DIS3L2: variants seen among roughly 807,000 people sequenced by gnomAD.
DIS3L2 encodes DIS3 like 3'-5' exoribonuclease 2.
In DIS3L2, 34 loss-of-function variants were observed where a neutral mutation model predicts 97.5. That is an observed-to-expected ratio of 0.35 (90% CI 0.27 to 0.46). The LOEUF (loss-of-function observed/expected upper bound fraction) is 0.46. Among genes scored for constraint, DIS3L2 ranks in the 20% least tolerant of loss-of-function variants. The pLI, the probability that DIS3L2 is intolerant of heterozygous loss-of-function variation, is 1.00. For missense variants in DIS3L2, 1,038 were observed against 1,146.0 expected, an observed-to-expected ratio of 0.91 and a Z score of 1.36; for synonymous variants, 435 against 445.2, an observed-to-expected ratio of 0.98 and a Z score of 0.29.
chr2:231,970,501 G>A (rs1333194624), intron 1 of DIS3L2, among the ~76,000 whole-genome samples: 2 of 152,188 alleles, frequency 1.3e-5, no homozygotes, highest in African/African-American at 2.4e-5. Flanking sequence ...AATTGTAATA[G>A]AATGCTAAGT....
chr2:232,144,135 C>T (rs2106361764), intron 8 of DIS3L2, among the ~76,000 whole-genome samples: 1 of 152,180 alleles, frequency 6.6e-6, no homozygotes, highest in African/African-American at 2.4e-5. Flanking sequence ...TGAAAACGTT[C>T]CAGTGCTCAT....
intron 5 of DIS3L2, among the ~76,000 whole-genome samples, chr2:232,080,535 T>C (rs2106298928): frequency 6.6e-6 from 1 of 152,262 alleles, no homozygotes; most frequent in Middle Eastern, 3.4e-3. Flanking sequence ...ATTAATGATA[T>C]TCATTGTCTA....
At chr2:232,013,097 G>A (rs1168183713) in intron 1 of DIS3L2, among the ~76,000 whole-genome samples, 1 of 152,074 alleles carries the variant, frequency 6.6e-6, no homozygotes, top group Non-Finnish European at 1.5e-5. Context: ...GACATGCCTC[G>A]TTGCTAGATG....
intron 13 of DIS3L2, among the ~76,000 whole-genome samples, chr2:232,295,781 G>A (rs1221667179): frequency 6.6e-6 from 1 of 152,208 alleles, no homozygotes; most frequent in African/African-American, 2.4e-5. Context: ...CTCCCTGCAA[G>A]AGTCTTTTCT....
chr2:232,254,443 G>T (rs1216464014), intron 12 of DIS3L2, among the ~76,000 whole-genome samples: 1 of 151,918 alleles, frequency 6.6e-6, no homozygotes, highest in African/African-American at 2.4e-5. Flanking sequence ...GTTATGTTTG[G>T]GTAGTAAAAC....
In DIS3L2 at chr2:232,335,828, C is replaced by T. The variant is rs376816858; in HGVS notation, c.2450C>T (p.Thr817Met). The change falls in exon 20 of 21, where the codon ACG (threonine) becomes ATG (methionine). Residue 817 changes from threonine to methionine, a missense_variant. Transcript: ENST00000325385. ...AAGGTGGGCAAGAAGCCGGAACTCA[C>T]GCTGGTCTGGGAGCCTGAGGACATG... ...FQKVGKKPELTLVWEPEDMEQ... is the reference protein window; with the variant it reads ...FQKVGKKPELMLVWEPEDMEQ... The T allele has an allele frequency of 4.5e-5, 70 of 1,550,920 alleles. No homozygotes were observed. The highest frequency in any genetic ancestry group is 3.4e-4 in the Middle Eastern group (2 of 5,902).
chr2:232,329,785 T>TGCCGGGGGGGGCCGC, intron 14 of DIS3L2, 28 bp from the exon 15 acceptor site: 1 of 967,144 alleles, frequency 1.0e-6, no homozygotes, highest in Non-Finnish European at 1.5e-6. Flanking sequence ...ACCCCAGCGG[T>TGCCGGGGGGGGCCGC]CCCTCCCATC....
At chr2:232,297,733 C>T (rs949906303) in intron 13 of DIS3L2, among the ~76,000 whole-genome samples, 52 of 145,554 alleles carry the variant, frequency 3.6e-4, no homozygotes, top group African/African-American at 1.3e-3. Context: ...GACAGACTCT[C>T]GCTATGTCGC....
intron 13 of DIS3L2, among the ~76,000 whole-genome samples, chr2:232,280,938 G>A (rs560485650): frequency 2.4e-4 from 37 of 152,314 alleles, no homozygotes; most frequent in Middle Eastern, 3.4e-3. Flanking sequence ...GCCTGGAAAT[G>A]GCTTCTCCAA....
intron 11 of DIS3L2, among the ~76,000 whole-genome samples, chr2:232,243,475 TG>T (rs1264494636): frequency 1.3e-5 from 2 of 151,738 alleles, no homozygotes; most frequent in Admixed American, 1.3e-4. Flanking sequence ...GCAGGAAAAT[TG>T]TCATCAGTAC....
rs531733993 is a variant in DIS3L2 at position 232,041,748 on chromosome 2, G to C, written c.366+11668G>C. ...GATACAGAACCTAACTAGCAAAAGA[G>C]ATGGATTTCAAGTGAAACTTTTACT... On this transcript the variant is annotated intron_variant, in intron 5 of 20. Transcript: ENST00000325385. 3.4e-4 allele frequency among the ~76,000 whole-genome samples: 52 copies of C among 152,342 alleles called. No homozygotes were observed. In the South Asian group the frequency reaches 0.01, roughly 30 times the overall value.
intron 14 of DIS3L2, among the ~76,000 whole-genome samples, chr2:232,311,392 G>A (rs771604280): frequency 1.3e-5 from 2 of 152,172 alleles, no homozygotes; most frequent in Non-Finnish European, 2.9e-5. Flanking sequence ...TAAGCATCTA[G>A]TTCAAGGAAA....
At chr2:232,208,408 TCAAA>T (rs950416290) in intron 9 of DIS3L2, among the ~76,000 whole-genome samples, 8 of 152,142 alleles carry the variant, frequency 5.3e-5, no homozygotes, top group African/African-American at 1.7e-4. Context: ...CCTCCCGGGT[TCAAA>T]CAATTTTCCT....
intron 7 of DIS3L2, among the ~76,000 whole-genome samples, chr2:232,132,190 G>C (rs1368575461): frequency 6.6e-6 from 1 of 151,974 alleles, no homozygotes; most frequent in Admixed American, 6.6e-5. Flanking sequence ...CTTTCTTTTG[G>C]ATAATGTTTT....
intron 1 of DIS3L2, among the ~76,000 whole-genome samples, chr2:232,006,100 T>C (rs562517179): frequency 6.6e-6 from 1 of 152,274 alleles, no homozygotes; most frequent in East Asian, 1.9e-4. Context: ...GGCAGGAGAA[T>C]TGCTTGAACC....
At chr2:232,045,924 C>G (rs1248839281) in intron 5 of DIS3L2, among the ~76,000 whole-genome samples, 1 of 152,118 alleles carries the variant, frequency 6.6e-6, no homozygotes, top group African/African-American at 2.4e-5. Context: ...ATCCACCTGC[C>G]TCGGCCTCCC....
At chr2:232,132,527 A>G (rs1009250657) in intron 7 of DIS3L2, among the ~76,000 whole-genome samples, 1 of 152,214 alleles carries the variant, frequency 6.6e-6, no homozygotes, top group Non-Finnish European at 1.5e-5. Context: ...GAGAAACAAC[A>G]TAACAGCAGG....
At chr2:232,027,604 G>A (rs1032008374) in intron 4 of DIS3L2, among the ~76,000 whole-genome samples, 1 of 152,190 alleles carries the variant, frequency 6.6e-6, no homozygotes, top group African/African-American at 2.4e-5. Flanking sequence ...TTTACACAAT[G>A]TCATTTGCTA....
intron 1 of DIS3L2, among the ~76,000 whole-genome samples, chr2:231,988,071 G>T (rs1430220592): frequency 1.3e-5 from 2 of 152,128 alleles, no homozygotes; most frequent in African/African-American, 2.4e-5. Flanking sequence ...TCCAACTCCC[G>T]ATCTCAGGTG....
Sources: gnomAD v4.1 joint callset for allele counts (sites outside exome capture counted in the v4.1 genomes callset) on GRCh38, gnomAD v4.1.1 for gene constraint, MANE v1.5 for transcripts, NCBI Gene and HGNC (gene_info 2026-07-23, HGNC 2026-07-21) for gene names.